Variants in COL14A1 observed in about 807,000 individuals in gnomAD.
The protein encoded by COL14A1 is collagen type XIV alpha 1 chain, also known as collagen alpha-1(XIV) chain.
A neutral mutation model predicts 230.3 loss-of-function variants in COL14A1; 136 were observed. The ratio of observed to expected loss-of-function variants is 0.59; its 90% CI spans 0.51 to 0.68. The LOEUF (loss-of-function observed/expected upper bound fraction) is 0.68. Ranked by LOEUF, COL14A1 falls within the 30% of genes least tolerant of loss-of-function variation. The pLI is 0.00. For missense variants in COL14A1, 1,976 were observed against 2,215.8 expected, an observed-to-expected ratio of 0.89 and a Z score of 2.17; for synonymous variants, 792 against 784.1, an observed-to-expected ratio of 1.01 and a Z score of -0.17.
At chr8:120,207,186 T>G in intron 10 of COL14A1, 92 bp downstream of exon 10, 1 of 1,103,574 alleles carries the variant, frequency 9.1e-7, no homozygotes. Context: ...AATATAAGAT[T>G]ATTCCGTCAC....
At chr8:120,367,093 C>T (rs559843015) in intron 45 of COL14A1, 78 bp from the exon 46 acceptor site, 35 of 1,205,870 alleles carry the variant, frequency 2.9e-5, no homozygotes, top group Middle Eastern at 2.6e-4. Flanking sequence ...GAAGCACTTT[C>T]GAACTCCAGA....
chr8:120,209,398 G>A (rs1383757030), intron 11 of COL14A1, among the ~76,000 whole-genome samples: 2 of 152,008 alleles, frequency 1.3e-5, no homozygotes, highest in African/African-American at 2.4e-5. Context: ...GGATGTTTTA[G>A]TGTAGTAGGG....
At chr8:120,154,206 A>G (rs1815387660) in intron 2 of COL14A1, among the ~76,000 whole-genome samples, 1 of 152,242 alleles carries the variant, frequency 6.6e-6, no homozygotes, top group Non-Finnish European at 1.5e-5. Flanking sequence ...GTTCAAATTC[A>G]GATGAGAAGA....
chr8:120,228,578 C>G (rs923046133), intron 17 of COL14A1, 132 bp from the exon 18 acceptor site: 16 of 665,830 alleles, frequency 2.4e-5, no homozygotes, highest in Non-Finnish European at 4.0e-5. Flanking sequence ...CTTTCGTCTT[C>G]TAACCATTGT....
chr8:120,193,836 C>T (rs13275595), intron 5 of COL14A1, among the ~76,000 whole-genome samples: 34,976 of 152,058 alleles, frequency 0.23, 4,294 homozygotes, highest in African/African-American at 0.31. Context: ...ACTCTGTGGG[C>T]GTAGGACCCT....
chr8:120,238,420 G>A (rs185542188), intron 19 of COL14A1, among the ~76,000 whole-genome samples: 5 of 152,278 alleles, frequency 3.3e-5, no homozygotes, highest in Admixed American at 2.6e-4. Context: ...GGGGAAAACT[G>A]TCTACTCAAG....
chr8:120,220,974 C>T (rs1280817010), intron 14 of COL14A1, among the ~76,000 whole-genome samples: 1 of 152,292 alleles, frequency 6.6e-6, no homozygotes, highest in South Asian at 2.1e-4. Flanking sequence ...GAGAATATCT[C>T]ATGTAATCCT....
At chr8:120,140,316 G>T (rs568757506) in intron 1 of COL14A1, among the ~76,000 whole-genome samples, 1 of 150,416 alleles carries the variant, frequency 6.6e-6, no homozygotes, top group Non-Finnish European at 1.5e-5. Flanking sequence ...CTCACCTAAG[G>T]TTCACTTTTC....
chr8:120,286,495 TTTAATTTATTTATTTA>T (rs1342118616), intron 33 of COL14A1, among the ~76,000 whole-genome samples: 1 of 152,118 alleles, frequency 6.6e-6, no homozygotes, highest in Non-Finnish European at 1.5e-5. Flanking sequence ...CATTATTTAA[TTTAATTTATTTATTTA>T]TTAATTTATT....
rs996010669 is a variant in COL14A1 at position 120,212,739 on chromosome 8, A to G, written c.1597+162A>G. Among the ~76,000 whole-genome samples, 30 of 152,182 alleles carry G rather than the reference A, an allele frequency of 2.0e-4. 1 individual carries two copies. The highest frequency in any genetic ancestry group is 7.3e-5 in the Non-Finnish European group (5 of 68,048). On this transcript the variant is annotated intron_variant, in intron 13 of 47. Coordinates refer to ENST00000297848, the MANE Select transcript of COL14A1 (RefSeq NM_021110.4). The stretch of plus-strand genomic sequence containing the variant: ...GGGCAAGGAAATGTATTTCTTATAT[A>G]TTATATTATTATGAGTGATAAGGTT...
chr8:120,239,778 C>T (rs530318368), intron 19 of COL14A1, among the ~76,000 whole-genome samples: 1 of 150,630 alleles, frequency 6.6e-6, no homozygotes, highest in African/African-American at 2.4e-5. Flanking sequence ...AAAAATGAGA[C>T]CCGTGGAAAC....
At chr8:120,364,645 G>A (rs997836992) in intron 45 of COL14A1, among the ~76,000 whole-genome samples, 6 of 152,178 alleles carry the variant, frequency 3.9e-5, no homozygotes, top group Non-Finnish European at 5.9e-5. Context: ...CACTTTGGAA[G>A]GTTAAGGTGG....
At chr8:120,216,680 A>G (rs1177744962) in intron 14 of COL14A1, among the ~76,000 whole-genome samples, 190 bp downstream of exon 14, 2 of 152,180 alleles carry the variant, frequency 1.3e-5, no homozygotes, top group Admixed American at 6.5e-5. Context: ...GGTGCTCCCC[A>G]GTGAGGTTAG....
chr8:120,241,348 C>T (rs1391374613), intron 19 of COL14A1, among the ~76,000 whole-genome samples: 1 of 152,182 alleles, frequency 6.6e-6, no homozygotes, highest in African/African-American at 2.4e-5. Flanking sequence ...CTGCCTAGAA[C>T]TGAACTTCAT....
chr8:120,370,681 A>G (rs896988997), intron 47 of COL14A1: 3 of 1,439,514 alleles, frequency 2.1e-6, no homozygotes, highest in Non-Finnish European at 2.8e-6. Context: ...CCTGTGTGAC[A>G]GCTTCATAAT....
intron 1 of COL14A1, 73 bp from the exon 2 acceptor site, chr8:120,147,733 C>T (rs1327663177): frequency 4.2e-6 from 3 of 722,080 alleles, no homozygotes; most frequent in Admixed American, 2.8e-5. Flanking sequence ...TTGGCTTATT[C>T]GCCTGTCCTA....
chr8:120,224,460 CT>C (rs2130799608), intron 14 of COL14A1, among the ~76,000 whole-genome samples: 1 of 152,284 alleles, frequency 6.6e-6, no homozygotes, highest in East Asian at 1.9e-4. Flanking sequence ...CCCATCTTCT[CT>C]TACTTTATGG....
chr8:120,159,107 A>G (rs1815575010), intron 3 of COL14A1, among the ~76,000 whole-genome samples: 1 of 152,180 alleles, frequency 6.6e-6, no homozygotes, highest in African/African-American at 2.4e-5. Flanking sequence ...GGAGTTTTCT[A>G]TGAATTTGCA....
At position 120,356,997 on chromosome 8, in the gene COL14A1, A is replaced by ATT. The variant is rs71306875; in HGVS notation, c.5078-10167_5078-10166dup. On this transcript the variant is annotated intron_variant, in intron 45 of 47. Transcript: ENST00000297848. ...TTCTTCTTTGCATCATCTTTTATTG[A>ATT]TTTTTTTTATTACAAAGCGACTCTT... Among the ~76,000 whole-genome samples the ATT allele has an allele frequency of 4.0e-5, 6 of 151,806 alleles. No homozygotes were observed. In the South Asian group the frequency reaches 6.2e-4, roughly 16 times the overall value.
Sources: allele counts gnomAD v4.1 joint callset (sites outside exome capture counted in the v4.1 genomes callset), GRCh38; gene constraint gnomAD v4.1.1; transcripts MANE v1.5; gene names NCBI Gene and HGNC (gene_info 2026-07-23, HGNC 2026-07-21).